Variants in PCIF1 observed in about 807,000 individuals in gnomAD.
The protein encoded by PCIF1 is mRNA (2'-O-methyladenosine-N(6)-)-methyltransferase.
In PCIF1, 12 loss-of-function variants were observed where a neutral mutation model predicts 86.9. That is an observed-to-expected ratio of 0.14 (90% CI 0.09 to 0.22). The LOEUF is 0.22. Among genes scored for constraint, PCIF1 ranks in the 10% least tolerant of loss-of-function variants. The probability of loss-of-function intolerance (pLI) is 1.00; values close to 1 mark genes in which losing one functional copy is unlikely to be tolerated. For missense variants in PCIF1, 701 were observed against 951.1 expected (o/e 0.74, Z 3.46); for synonymous variants, 397 against 372.0 (o/e 1.07, Z -0.77).
chr20:45,938,970 C>T lies in PCIF1; in HGVS notation c.-19-11C>T, dbSNP rs745602826. 1 of 1,613,008 alleles carries T rather than the reference C, an allele frequency of 6.2e-7. No homozygotes were observed. ...GGTGGAGCTGACACTCTTTGGTCCTCTGTGTGGCAGGTCCTGTGTGGGTGT... is the reference window on the plus strand; with the variant it reads ...GGTGGAGCTGACACTCTTTGGTCCTTTGTGTGGCAGGTCCTGTGTGGGTGT... On this transcript the variant is annotated splice_polypyrimidine_tract_variant and intron_variant, in intron 2 of 16. Transcript: ENST00000372409.
At chr20:45,935,123 C>T (rs1268736831) in intron 1 of PCIF1, among the ~76,000 whole-genome samples, 1 of 151,356 alleles carries the variant, frequency 6.6e-6, no homozygotes, top group African/African-American at 2.4e-5. Flanking sequence ...GGGGCGGAGC[C>T]CGAGAGATGG....
rs574447143 is a variant in PCIF1, at chr20:45,947,889, C to T, written c.*134C>T. 7.0e-4 allele frequency: 1,076 copies of T among 1,532,768 alleles called. 3 individuals carry two copies. The highest frequency in any genetic ancestry group is 8.9e-4 in the Non-Finnish European group (1,017 of 1,146,412). 94.9% of individuals were successfully genotyped at this position (1,532,768 alleles called of 1,614,324 possible). On this transcript the variant is annotated 3_prime_UTR_variant, in exon 17 of 17. Coordinates refer to ENST00000372409, the MANE Select transcript of PCIF1 (RefSeq NM_022104.4). This position sits in a 1 kb window ranked among gnomAD's most constrained non-coding sequence, Gnocchi z 5.4. ...GGTTCTGCCAGGGCTCCCCTCCCTG[C>T]CTGTCCCCAAGTCCTCACCTCAAAC...
chr20:45,934,703 A>C lies in PCIF1; in HGVS notation c.-289A>C. ...GCAGCGCGGAGTCCCGGCCCGGGAC[A>C]CAAGATGGCGGCAGCGGCGCTGGGG... is the stretch of plus-strand genomic sequence containing the variant. On this transcript the variant is annotated 5_prime_UTR_variant, in exon 1 of 17. Coordinates refer to ENST00000372409, the MANE Select transcript of PCIF1 (RefSeq NM_022104.4). The C allele has an allele frequency of 2.5e-6, 1 of 398,740 alleles. No individual in the cohort carries two copies. Among genetic ancestry groups the C allele is most frequent in the Non-Finnish European group, 4.4e-6 (1 of 225,908 alleles). 24.7% of individuals were successfully genotyped at this position (398,740 alleles called of 1,614,324 possible).
chr20:45,938,949 G>A (rs748837888), intron 2 of PCIF1, 32 bp from the exon 3 acceptor site: 1 of 1,608,074 alleles, frequency 6.2e-7, no homozygotes, highest in Non-Finnish European at 8.5e-7. Flanking sequence ...TGAGGGGGTG[G>A]AGCTGACACT....
chr20:45,946,976 C>G lies in PCIF1; in HGVS notation c.1614-97C>G, dbSNP rs1169318464. The G allele has an allele frequency of 1.0e-5, 10 of 984,020 alleles. No homozygotes were observed. The Admixed American group carries it at 1.8e-4, about 17-fold the overall frequency. 61.0% of individuals were successfully genotyped at this position (984,020 alleles called of 1,614,324 possible). On this transcript the variant is annotated intron_variant, in intron 14 of 16. Transcript: ENST00000372409. ...GAATGCTGGCTTCTGGACAGGCCAT[C>G]TCTTCAGTGTGGCTGCCTAGGGTTG...
intron 7 of PCIF1, among the ~76,000 whole-genome samples, chr20:45,941,980 T>A (rs1238515484): frequency 2.1e-5 from 3 of 145,662 alleles, no homozygotes; most frequent in Non-Finnish European, 3.0e-5. Flanking sequence ...TTTTTTTTAA[T>A]TTTTTTTTTT....
intron 12 of PCIF1, 23 bp downstream of exon 12, chr20:45,945,906 C>T: frequency 2.5e-6 from 4 of 1,613,400 alleles, no homozygotes; most frequent in South Asian, 1.1e-5. Context: ...GGGAGGAAGG[C>T]CCTAGCTGAT....
chr20:45,935,335 C>T (rs138531366), intron 1 of PCIF1, among the ~76,000 whole-genome samples: 1 of 152,236 alleles, frequency 6.6e-6, no homozygotes, highest in East Asian at 1.9e-4. Context: ...CCCCACGTGC[C>T]TCCAATCCCG....
Position 45,943,917 on chromosome 20 carries a change from A to G in PCIF1, c.1005+152A>G, listed in dbSNP as rs1017338211. ...GACGTTCGACATTCGTCAGTCCCCA[A>G]ACTCATGACTGTGGAGATGTTTCTC... On this transcript the variant is annotated intron_variant, in intron 10 of 16. Transcript: ENST00000372409. The surrounding 1 kb of genome is among the most constrained non-coding windows in gnomAD (Gnocchi z 5.5). 1.2e-5 allele frequency: 7 copies of G among 601,140 alleles called. No individual in the cohort carries two copies. The highest frequency in any genetic ancestry group is 2.8e-5 in the East Asian group (1 of 36,006). 37.2% of individuals were successfully genotyped at this position (601,140 alleles called of 1,614,324 possible). A position where few individuals can be genotyped will look rare whatever the true frequency, so the allele number is the denominator to read the frequency against.
intron 7 of PCIF1, among the ~76,000 whole-genome samples, chr20:45,941,604 G>A (rs906908691): frequency 6.6e-6 from 1 of 151,990 alleles, no homozygotes; most frequent in African/African-American, 2.4e-5. Flanking sequence ...GATTACAGGT[G>A]TACACCACCA....
chr20:45,943,018 G>A lies in PCIF1; in HGVS notation c.674-79G>A, dbSNP rs1369356514. 9 of 1,435,672 alleles carry A rather than the reference G, an allele frequency of 6.3e-6. No homozygotes were observed. Among genetic ancestry groups the A allele is most frequent in the African/African-American group, 2.8e-5 (2 of 70,746 alleles). 88.9% of individuals were successfully genotyped at this position (1,435,672 alleles called of 1,614,324 possible). A position where few individuals can be genotyped will look rare whatever the true frequency, so the allele number is the denominator to read the frequency against. ...CTGTGTCTTGCTTACTGCTGAATGC[G>A]ATGCTTCCTATACGTGCCAAGCTCC... On this transcript the variant is annotated intron_variant, in intron 7 of 16. Coordinates refer to ENST00000372409, the MANE Select transcript of PCIF1 (RefSeq NM_022104.4). This position sits in a 1 kb window ranked among gnomAD's most constrained non-coding sequence, Gnocchi z 5.5.
intron 1 of PCIF1, among the ~76,000 whole-genome samples, chr20:45,936,743 C>A (rs1348850191): frequency 6.6e-6 from 1 of 151,932 alleles, no homozygotes; most frequent in African/African-American, 2.4e-5. Flanking sequence ...CCAGCCTGGC[C>A]AACATGGTGA....
intron 14 of PCIF1, 26 bp downstream of exon 14, chr20:45,946,410 C>T: frequency 6.2e-7 from 1 of 1,607,422 alleles, no homozygotes; most frequent in Non-Finnish European, 8.5e-7. Context: ...TGCCCCTCTA[C>T]CCAGGCCAGG....
intron 14 of PCIF1, 70 bp from the exon 15 acceptor site, chr20:45,947,000 TGGG>T: frequency 7.6e-7 from 1 of 1,307,368 alleles, no homozygotes; most frequent in Non-Finnish European, 1.1e-6. Flanking sequence ...TGCCTAGGGT[TGGG>T]GGGTGGCACC....
rs922487115 is a variant in PCIF1, at chr20:45,947,824, C to G, written c.*69C>G. 99 of 1,535,912 alleles carry G rather than the reference C, an allele frequency of 6.4e-5. No individual in the cohort carries two copies. Among genetic ancestry groups the G allele is most frequent in the Non-Finnish European group, 8.0e-5 (92 of 1,155,622 alleles). On this transcript the variant is annotated 3_prime_UTR_variant, in exon 17 of 17. Transcript: ENST00000372409. The surrounding 1 kb of genome is among the most constrained non-coding windows in gnomAD (Gnocchi z 5.4). The stretch of plus-strand genomic sequence containing the variant: ...CTGCTGGGACTCGGGCCCCTGGGGC[C>G]TCAGAGGGACCCCGGCTGCCACTGA...
Position 45,947,456 on chromosome 20 carries a change from C to CA in PCIF1, c.1883+19dup, listed in dbSNP as rs764003306. On this transcript the variant is annotated intron_variant, in intron 16 of 16. Coordinates refer to ENST00000372409, the MANE Select transcript of PCIF1 (RefSeq NM_022104.4). This position sits in a 1 kb window ranked among gnomAD's most constrained non-coding sequence, Gnocchi z 5.4. ...TGCAAGAAGTGGGTGCCAGGGAGGG[C>CA]AGGGGAAGGAGGCTGGGCTGGCCAG... is the stretch of plus-strand genomic sequence containing the variant. 10 of 1,613,642 alleles carry CA rather than the reference C, an allele frequency of 6.2e-6. No individual in the cohort carries two copies. The highest frequency in any genetic ancestry group is 7.6e-6 in the Non-Finnish European group (9 of 1,179,944).
At chr20:45,935,137 GGC>G (rs975443190) in intron 1 of PCIF1, among the ~76,000 whole-genome samples, 6 of 150,604 alleles carry the variant, frequency 4.0e-5, no homozygotes, top group Admixed American at 1.3e-4. Context: ...GAGATGGGCC[GGC>G]GCGCGCGCGC....
chr20:45,940,511 C>G lies in PCIF1; in HGVS notation c.286C>G (p.Gln96Glu). 3 of 1,607,912 alleles carry G rather than the reference C, an allele frequency of 1.9e-6. No homozygotes were observed. The Admixed American group carries it at 5.1e-5, about 27-fold the overall frequency. ...PLGLNATPLPQDSSLVETPPA... is the reference protein window; with the variant it reads ...PLGLNATPLPEDSSLVETPPA... ...GGGGCTGAATGCGACCCCACTGCCC[C>G]AAGACTCAAGCTTGGTGGAAACTCC... The change falls in exon 5 of 17, where the codon CAA becomes GAA. Residue 96 changes from glutamine (Q) to glutamate (E), a missense_variant. By Grantham distance (29) the Gln-to-Glu change is conservative. Coordinates refer to ENST00000372409, the MANE Select transcript of PCIF1 (RefSeq NM_022104.4).
chr20:45,942,221 G>A lies in PCIF1; in HGVS notation c.674-876G>A, dbSNP rs868674002. On this transcript the variant is annotated intron_variant, in intron 7 of 16. Coordinates refer to ENST00000372409, the MANE Select transcript of PCIF1 (RefSeq NM_022104.4). ...GATCTCTTGACCTTGTGATCCACCC[G>A]CCTTGGCCTCCCAAAGTGCTGGGAT... 6.4e-4 allele frequency among the ~76,000 whole-genome samples: 96 copies of A among 148,882 alleles called. 1 individual carries two copies. The highest frequency in any genetic ancestry group is 7.2e-3 in the Middle Eastern group (2 of 276).
Sources: gnomAD v4.1 joint callset for allele counts (sites outside exome capture counted in the v4.1 genomes callset) on GRCh38, gnomAD v4.1.1 for gene constraint, Gnocchi (gnomAD v3.1) non-coding constraint, MANE v1.5 for transcripts, NCBI Gene and HGNC (gene_info 2026-07-23, HGNC 2026-07-21) for gene names.